Variants in OVOL2 observed in about 807,000 individuals in gnomAD.
The protein encoded by OVOL2 is ovo like zinc finger 2.
OVOL2 carries 13 observed loss-of-function variants against 18.1 expected under a neutral mutation model. That is an observed-to-expected ratio of 0.72 (90% CI 0.47 to 1.14). The LOEUF is 1.14. Ranked by LOEUF, OVOL2 falls within the 50% of genes most tolerant of loss-of-function variation. The probability of loss-of-function intolerance (pLI) is 0.00; values close to 1 mark genes in which losing one functional copy is unlikely to be tolerated. For synonymous variants in OVOL2, 166 were observed against 162.7 expected (o/e 1.02, Z -0.16); for missense variants, 335 against 383.0 (o/e 0.87, Z 1.05).
chr20:18,052,566 T>C (rs2036780107), intron 2 of OVOL2, among the ~76,000 whole-genome samples: 1 of 152,130 alleles, frequency 6.6e-6, no homozygotes, highest in African/African-American at 2.4e-5. Flanking sequence ...CAGATACGTA[T>C]GACTATGCCT....
At chr20:18,030,602 T>G (rs537163351) in intron 3 of OVOL2, among the ~76,000 whole-genome samples, 59 of 152,302 alleles carry the variant, frequency 3.9e-4, no homozygotes, top group African/African-American at 1.3e-3. Flanking sequence ...AAGGCCTGGA[T>G]AGCAAACGCT....
rs1305951794 is a variant in OVOL2, at chr20:18,056,869, C to G, written c.109G>C (p.Gly37Arg). 16 of 1,486,504 alleles carry G rather than the reference C, an allele frequency of 1.1e-5. No homozygotes were observed. Among genetic ancestry groups the G allele is most frequent in the Non-Finnish European group, 1.2e-5 (14 of 1,126,684 alleles). 92.1% of individuals were successfully genotyped at this position (1,486,504 alleles called of 1,614,324 possible). A position where few individuals can be genotyped will look rare whatever the true frequency, so the allele number is the denominator to read the frequency against. Residue 37 changes from glycine to arginine, a missense_variant, in exon 2 of 4, where the codon GGC (glycine) becomes CGC (arginine). Transcript: ENST00000278780. The surrounding 1 kb of genome is among the most constrained non-coding windows in gnomAD (Gnocchi z 4.2). The part of the protein sequence containing the change: ...RADTYIPVGL[G>R]RLLHDPPEDC... ...TCGGGGGGGTCGTGGAGCAGGCGGCCTAGGCCCACTGTGGAGGGAGGGGCC... is the reference window on the plus strand; with the variant it reads ...TCGGGGGGGTCGTGGAGCAGGCGGCGTAGGCCCACTGTGGAGGGAGGGGCC...
In OVOL2 at chr20:18,056,467, T is replaced by C. The variant is rs1275866705; in HGVS notation, c.321+190A>G. ...GGCCGCCCCTGCGCAGCAGCTACCCTGCGGGCGGGAGGACGCGCCGAGGCG... is the reference window on the plus strand; with the variant it reads ...GGCCGCCCCTGCGCAGCAGCTACCCCGCGGGCGGGAGGACGCGCCGAGGCG... On this transcript the variant is annotated intron_variant, in intron 2 of 3. Coordinates refer to ENST00000278780, the MANE Select transcript of OVOL2 (RefSeq NM_021220.4). The surrounding 1 kb of genome is among the most constrained non-coding windows in gnomAD (Gnocchi z 4.2). Among the ~76,000 whole-genome samples, 1 of 151,544 alleles carries C rather than the reference T, an allele frequency of 6.6e-6. No individual in the cohort carries two copies. The highest frequency in any genetic ancestry group is 2.1e-4 in the South Asian group (1 of 4,818).
chr20:18,057,724 G>A lies in OVOL2; in HGVS notation c.-90C>T, dbSNP rs1228172614. On this transcript the variant is annotated 5_prime_UTR_variant, in exon 1 of 4. Coordinates refer to ENST00000278780, the MANE Select transcript of OVOL2 (RefSeq NM_021220.4). This position sits in a 1 kb window ranked among gnomAD's most constrained non-coding sequence, Gnocchi z 6.3. Reference sequence around the variant, plus strand: ...GGCGGCTCCGTCCCCGGCTCCCGGCGGCCAGAGCCCACCTTCCCGCCTCGC... The same window carrying A: ...GGCGGCTCCGTCCCCGGCTCCCGGCAGCCAGAGCCCACCTTCCCGCCTCGC... 1 of 1,459,554 alleles carries A rather than the reference G, an allele frequency of 6.9e-7. No homozygotes were observed. Among genetic ancestry groups the A allele is most frequent in the Non-Finnish European group, 9.0e-7 (1 of 1,108,586 alleles). The allele number at this position is 1,459,554 out of a possible 1,614,324, so 90.4% of individuals were successfully genotyped here. A position where few individuals can be genotyped will look rare whatever the true frequency, so the allele number is the denominator to read the frequency against.
chr20:18,058,987 G>A (rs1351602151), upstream of OVOL2: 1 of 152,332 alleles, frequency 6.6e-6, no homozygotes, highest in East Asian at 1.9e-4. Context: ...CCTCCAGGAG[G>A]TCGTCAGACG....
In OVOL2 at chr20:18,024,688, G is replaced by A. The variant is rs557476645; in HGVS notation, c.776C>T (p.Thr259Ile). ...KLAALLQGKL[T>I]SAHQENTSLS... is the part of the protein sequence containing the mutation. Reference sequence around the variant, plus strand: ...GCTGGTATTCTCCTGGTGTGCGGATGTCAGCTTGCCCTGCAGAAGGGCTGC... The same window carrying A: ...GCTGGTATTCTCCTGGTGTGCGGATATCAGCTTGCCCTGCAGAAGGGCTGC... Residue 259 changes from threonine (T) to isoleucine (I), a missense_variant, in exon 4 of 4, where the codon ACA becomes ATA. Thr to Ile is a moderately conservative substitution (Grantham distance 89). Transcript: ENST00000278780. 1.5e-4 allele frequency: 246 copies of A among 1,614,022 alleles called. 7 individuals are homozygous for A. The South Asian group carries it at 2.6e-3, about 17-fold the overall frequency.
At chr20:18,052,354 G>A (rs1448066950) in intron 2 of OVOL2, among the ~76,000 whole-genome samples, 1 of 152,184 alleles carries the variant, frequency 6.6e-6, no homozygotes. Flanking sequence ...TAATTTATGA[G>A]ACAATTAGTA....
At chr20:18,055,053 ACT>A (rs2036807188) in intron 2 of OVOL2, among the ~76,000 whole-genome samples, 1 of 151,880 alleles carries the variant, frequency 6.6e-6, no homozygotes, top group African/African-American at 2.4e-5. Context: ...TGGAAAGAAG[ACT>A]CTTAACGGTT....
At position 18,024,747 on chromosome 20, in the gene OVOL2, G is replaced by A; in HGVS notation, c.717C>T (p.Gly239=). The A allele has an allele frequency of 6.2e-7, 1 of 1,614,196 alleles. No homozygotes were observed. The highest frequency in any genetic ancestry group is 8.5e-7 in the Non-Finnish European group (1 of 1,180,040). Residue 239 remains glycine, a synonymous_variant, in exon 4 of 4, where the codon GGC becomes GGT. Transcript: ENST00000278780. The part of the protein sequence containing the change: ...LYLHVNSAHP[G]SSFLKKTSKK... ...TAGATGTCTTTTTGAGAAACGAGCT[G>A]CCCGGATGGGCACTGTTCACGTGCA...
At chr20:18,049,550 T>A (rs1014664645) in intron 2 of OVOL2, among the ~76,000 whole-genome samples, 2 of 133,866 alleles carry the variant, frequency 1.5e-5, no homozygotes, top group South Asian at 2.4e-4. Flanking sequence ...GGCATTCAGA[T>A]TCCCCCCCCG....
chr20:18,052,984 G>A (rs1167287752), intron 2 of OVOL2, among the ~76,000 whole-genome samples: 1 of 152,240 alleles, frequency 6.6e-6, no homozygotes, highest in East Asian at 1.9e-4. Context: ...TCTCTGGAAT[G>A]TACATCATCT....
At chr20:18,042,160 G>A (rs150776294) in intron 2 of OVOL2, among the ~76,000 whole-genome samples, 41 of 152,012 alleles carry the variant, frequency 2.7e-4, no homozygotes, top group African/African-American at 8.0e-4. Context: ...TGATCCATCC[G>A]CCTCAGCCTC....
At chr20:18,044,378 C>G (rs945547205) in intron 2 of OVOL2, among the ~76,000 whole-genome samples, 2 of 152,192 alleles carry the variant, frequency 1.3e-5, no homozygotes, top group Admixed American at 1.3e-4. Flanking sequence ...ATTCCTGCCT[C>G]CCTACCCACT....
At chr20:18,035,271 T>C (rs1419017373) in intron 3 of OVOL2, among the ~76,000 whole-genome samples, 16 of 151,980 alleles carry the variant, frequency 1.1e-4, no homozygotes, top group Admixed American at 3.9e-4. Flanking sequence ...GCCAACATGG[T>C]GAAACCCCAT....
At chr20:18,042,211 C>G (rs1438053531) in intron 2 of OVOL2, among the ~76,000 whole-genome samples, 2 of 152,104 alleles carry the variant, frequency 1.3e-5, no homozygotes, top group Non-Finnish European at 2.9e-5. Context: ...CCGCACCCAG[C>G]CAGTTGCTCC....
intron 3 of OVOL2, among the ~76,000 whole-genome samples, chr20:18,035,410 C>T (rs8117573): frequency 0.12 from 18,372 of 152,194 alleles, 1,212 homozygotes; most frequent in Middle Eastern, 0.16. Flanking sequence ...TGAGCCAAGA[C>T]GGGAGCCACT....
intron 3 of OVOL2, among the ~76,000 whole-genome samples, chr20:18,040,831 G>A (rs886961481): frequency 6.6e-6 from 1 of 152,174 alleles, no homozygotes; most frequent in Non-Finnish European, 1.5e-5. Context: ...GGAGGAACAC[G>A]ATGCTATCCA....
intron 2 of OVOL2, among the ~76,000 whole-genome samples, chr20:18,053,134 C>G (rs1236360667): frequency 6.6e-6 from 1 of 152,202 alleles, no homozygotes; most frequent in Non-Finnish European, 1.5e-5. Context: ...CCTCGGACTC[C>G]TTTTCCAGAT....
chr20:18,046,293 T>C (rs951634206), intron 2 of OVOL2, among the ~76,000 whole-genome samples: 1 of 152,222 alleles, frequency 6.6e-6, no homozygotes, highest in African/African-American at 2.4e-5. Flanking sequence ...GGAAACTAAA[T>C]ACATGTCTAT....
Sources: allele counts gnomAD v4.1 joint callset (sites outside exome capture counted in the v4.1 genomes callset), GRCh38; gene constraint gnomAD v4.1.1; non-coding constraint Gnocchi (gnomAD v3.1); transcripts MANE v1.5; gene names NCBI Gene and HGNC (gene_info 2026-07-23, HGNC 2026-07-21).